Variants in TMEM52B observed in about 807,000 individuals in gnomAD.
The protein encoded by TMEM52B is transmembrane protein 52B, also known as chromosome 12 open reading frame 59.
A neutral mutation model predicts 16.1 loss-of-function variants in TMEM52B; 11 were observed. That is an observed-to-expected ratio of 0.68 (90% CI 0.43 to 1.13). The LOEUF is 1.13. TMEM52B is among the 50% of genes most tolerant of loss of function. The pLI is 0.00. For synonymous variants in TMEM52B, 101 were observed against 93.8 expected, an observed-to-expected ratio of 1.08 and a Z score of -0.45; for missense variants, 243 against 230.4, an observed-to-expected ratio of 1.05 and a Z score of -0.35.
chr12:10,189,343 G>A (rs912940792), intron 4 of TMEM52B, among the ~76,000 whole-genome samples: 4 of 152,022 alleles, frequency 2.6e-5, no homozygotes, highest in Non-Finnish European at 5.9e-5. Context: ...AACATTCTTG[G>A]CTGGGTGTGG....
chr12:10,180,393 C>G (rs1948809265), intron 1 of TMEM52B, among the ~76,000 whole-genome samples: 1 of 151,094 alleles, frequency 6.6e-6, no homozygotes, highest in African/African-American at 2.4e-5. Flanking sequence ...TTCATTTTTC[C>G]TTTCTTTTCT....
upstream of TMEM52B, among the ~76,000 whole-genome samples, chr12:10,176,310 GA>G (rs879385400): frequency 0.011 from 1,540 of 142,520 alleles, 21 homozygotes; most frequent in African/African-American, 0.036. Flanking sequence ...AATCTGGTGA[GA>G]AAAAAAAAAA....
intron 1 of TMEM52B, among the ~76,000 whole-genome samples, chr12:10,180,566 T>A (rs1948811220): frequency 6.6e-6 from 1 of 152,142 alleles, no homozygotes; most frequent in Non-Finnish European, 1.5e-5. Flanking sequence ...CAAACACGGG[T>A]TTCTCAAATG....
intron 1 of TMEM52B, 124 bp downstream of exon 1, chr12:10,179,752 G>A: frequency 9.1e-7 from 1 of 1,093,710 alleles, no homozygotes; most frequent in Non-Finnish European, 1.4e-6. Context: ...GGGTCATAGG[G>A]AAATGAATAA....
chr12:10,189,145 GCGACC>G (rs1245331402), intron 4 of TMEM52B, among the ~76,000 whole-genome samples: 1 of 149,092 alleles, frequency 6.7e-6, no homozygotes, highest in Non-Finnish European at 1.5e-5. Flanking sequence ...GGAGGTTGCA[GCGACC>G]CGAGATTGTG....
In TMEM52B at chr12:10,173,550, G is replaced by T. The variant is rs573229186; in HGVS notation, c.-95+2699G>T. Among the ~76,000 whole-genome samples, 91 of 146,906 alleles carry T rather than the reference G, an allele frequency of 6.2e-4. No individual in the cohort carries two copies. In the South Asian group the frequency reaches 6.3e-3, roughly 10 times the overall value. On this transcript the variant is annotated intron_variant, in intron 1 of 5. Coordinates refer to the TMEM52B transcript ENST00000381923. ...ATCTCAGCACTTTGGGAAGCTGAGG[G>T]GGGGGGTGGATCACTGAGGTCAGGA...
At chr12:10,188,512 GGAA>G in intron 4 of TMEM52B, among the ~76,000 whole-genome samples, 1 of 103,112 alleles carries the variant, frequency 9.7e-6, no homozygotes, top group African/African-American at 3.6e-5. Context: ...AAGGAAGGAA[GGAA>G]GGAAGGAAGG....
In TMEM52B at chr12:10,188,878, G is replaced by A. The variant is rs1332788663; in HGVS notation, c.308-1018G>A. 2.6e-5 allele frequency among the ~76,000 whole-genome samples: 4 copies of A among 151,888 alleles called. No homozygotes were observed. In the East Asian group the frequency reaches 5.8e-4, roughly 22 times the overall value. ...CTGAAAATACAAAAATTAGCTCGGC[G>A]TGGTGGCGGGCGCCTGTAGTCCCAG... On this transcript the variant is annotated intron_variant, in intron 4 of 4. Transcript: ENST00000543484.
At chr12:10,178,643 AAGAG>A (rs141826102), upstream of TMEM52B, among the ~76,000 whole-genome samples, 16 of 149,952 alleles carry the variant, frequency 1.1e-4, no homozygotes, top group South Asian at 2.3e-3. Flanking sequence ...TCCTTAACCA[AAGAG>A]AGAGAGAGAG....
intron 1 of TMEM52B, chr12:10,172,437 A>AT (rs1948731161): frequency 5.9e-6 from 1 of 168,318 alleles, no homozygotes; most frequent in African/African-American, 2.4e-5. Context: ...CTACATTTGT[A>AT]AAAAATGTGC....
chr12:10,188,524 G>T, intron 4 of TMEM52B, among the ~76,000 whole-genome samples: 1 of 94,248 alleles, frequency 1.1e-5, no homozygotes, highest in Non-Finnish European at 2.2e-5. Context: ...AAGGAAGGAA[G>T]GAAGGAAGGA....
At chr12:10,173,763 T>TAA (rs5796383) in intron 1 of TMEM52B, among the ~76,000 whole-genome samples, 3 of 130,330 alleles carry the variant, frequency 2.3e-5, no homozygotes, top group African/African-American at 8.7e-5. Context: ...AGACTCCCTT[T>TAA]AAAAAAAAAA....
In TMEM52B at chr12:10,189,965, G is replaced by T; in HGVS notation, c.377G>T (p.Gly126Val). Reference sequence around the variant, plus strand: ...GTGGCTCACTCCCACAGCTCCCTGGGCCAGCTGCCCTCCTCTTTGGACACC... The same window carrying T: ...GTGGCTCACTCCCACAGCTCCCTGGTCCAGCTGCCCTCCTCTTTGGACACC... ...LAVAHSHSSL[G>V]QLPSSLDTLP... is the part of the protein sequence containing the mutation. Residue 126 changes from glycine (G) to valine (V), a missense_variant, in exon 5 of 5, where the codon GGC becomes GTC. Gly to Val is a moderately radical substitution (Grantham distance 109). Coordinates refer to ENST00000543484, the MANE Select transcript of TMEM52B (RefSeq NM_001384896.1). 1 of 1,614,116 alleles carries T rather than the reference G, an allele frequency of 6.2e-7. No individual in the cohort carries two copies. Among genetic ancestry groups the T allele is most frequent in the Non-Finnish European group, 8.5e-7 (1 of 1,180,016 alleles).
rs1948793010 is a variant in TMEM52B at position 10,179,113 on chromosome 12, A to G, written c.-462A>G. 6.2e-6 allele frequency: 1 copy of G among 162,038 alleles called. No homozygotes were observed. Among genetic ancestry groups the G allele is most frequent in the African/African-American group, 2.4e-5 (1 of 41,612 alleles). The allele number at this position is 162,038 out of a possible 1,614,324, so 10.0% of individuals were successfully genotyped here. ...GATCAAGAATATTACCAGTTTTCTG[A>G]TGAAGAAAGGAATATATTTGGTCAC... On this transcript the variant is annotated 5_prime_UTR_variant, in exon 1 of 5. An upstream start codon of the reference 5' UTR is lost. Transcript: ENST00000543484.
intron 1 of TMEM52B, among the ~76,000 whole-genome samples, chr12:10,180,797 T>G (rs911494246): frequency 1.3e-5 from 2 of 151,884 alleles, no homozygotes; most frequent in Non-Finnish European, 2.9e-5. Context: ...ACTTAAATGG[T>G]TTGTTGTTGT....
chr12:10,186,532 T>C lies in TMEM52B; in HGVS notation c.250T>C (p.Cys84Arg). ...TGGGGAAGATGGGGGCCCACCACCCTGTGAAGTGACCGTCATTGCTTTCGA... is the reference window on the plus strand; with the variant it reads ...TGGGGAAGATGGGGGCCCACCACCCCGTGAAGTGACCGTCATTGCTTTCGA... ...QNGEDGGPPPCEVTVIAFDHD... is the reference protein window; with the variant it reads ...QNGEDGGPPPREVTVIAFDHD... Residue 84 changes from cysteine (C) to arginine (R), a missense_variant, in exon 4 of 5, where the codon TGT becomes CGT. Transcript: ENST00000543484. 1 of 1,609,366 alleles carries C rather than the reference T, an allele frequency of 6.2e-7. No homozygotes were observed. Among genetic ancestry groups the C allele is most frequent in the East Asian group, 2.2e-5 (1 of 44,830 alleles).
In TMEM52B at chr12:10,191,215, C is replaced by A. The variant is rs1948954634; in HGVS notation, c.*1075C>A. Reference sequence around the variant, plus strand: ...AAAACTACTCACCTTAGAAAAGTCACTGAAATCCTTTTTTTTTTTTTTGAG... The same window carrying A: ...AAAACTACTCACCTTAGAAAAGTCAATGAAATCCTTTTTTTTTTTTTTGAG... On this transcript the variant is annotated 3_prime_UTR_variant, in exon 5 of 5. Transcript: ENST00000543484. 1 of 151,366 alleles carries A rather than the reference C, an allele frequency of 6.6e-6. No individual in the cohort carries two copies. The highest frequency in any genetic ancestry group is 1.5e-5 in the Non-Finnish European group (1 of 67,782). 9.4% of individuals were successfully genotyped at this position (151,366 alleles called of 1,614,324 possible).
At chr12:10,171,385 A>G (rs1367945174) in intron 1 of TMEM52B, among the ~76,000 whole-genome samples, 1 of 152,218 alleles carries the variant, frequency 6.6e-6, no homozygotes, top group Non-Finnish European at 1.5e-5. Flanking sequence ...ATGCAATTTA[A>G]TTACTGTATG....
At chr12:10,174,435 A>C (rs2634164), upstream of TMEM52B, among the ~76,000 whole-genome samples, 75,426 of 151,884 alleles carry the variant, frequency 0.5, 20,049 homozygotes, top group East Asian at 0.79. Context: ...TATTAATCAG[A>C]AGAGGAAAGT....
Sources: gnomAD v4.1 joint callset for allele counts (sites outside exome capture counted in the v4.1 genomes callset) on GRCh38, gnomAD v4.1.1 for gene constraint, MANE v1.5 for transcripts, NCBI Gene and HGNC (gene_info 2026-07-23, HGNC 2026-07-21) for gene names.